DMD: variants seen among roughly 807,000 people sequenced by gnomAD.
DMD encodes mutant dystrophin.
DMD carries 63 observed loss-of-function variants against 330.1 expected under a neutral mutation model. The ratio of observed to expected loss-of-function variants is 0.19; its 90% confidence interval spans 0.16 to 0.24. The LOEUF is 0.24. Among genes scored for constraint, DMD ranks in the 10% least tolerant of loss-of-function variants. DMD has a pLI of 1.00. For missense variants in DMD, 3,344 were observed against 2,684.1 expected, an observed-to-expected ratio of 1.25 and a Z score of -5.43; for synonymous variants, 1,223 against 959.8, an observed-to-expected ratio of 1.27 and a Z score of -5.07.
At position 31,121,215 on chromosome X, in the gene DMD, G is replaced by GTAT. The variant is rs1569282040; in HGVS notation, c.*701_*703dup. ...GTATCTCTTTATCTATATAACTATA[G>GTAT]TATTTATATACTTATAGACATATAG... is the stretch of plus-strand genomic sequence containing the variant. On this transcript the variant is annotated 3_prime_UTR_variant, in exon 79 of 79. Coordinates refer to ENST00000357033, the MANE Select transcript of DMD (RefSeq NM_004006.3). 9.0e-6 allele frequency: 1 copy of GTAT among 111,595 alleles called. No homozygotes were observed. The highest frequency in any genetic ancestry group is 9.6e-5 in the Admixed American group (1 of 10,392). The allele number at this position is 111,595 out of a possible 1,213,427, so 9.2% of individuals were successfully genotyped here.
chrX:32,367,864 A>G (rs2097859784), intron 34 of DMD, among the ~76,000 whole-genome samples: 1 of 112,250 alleles, frequency 8.9e-6, no homozygotes, highest in Non-Finnish European at 1.9e-5. Context: ...ATGGTGGTTT[A>G]TAACTGCTAA....
At chrX:31,605,063 T>C (rs1030338506) in intron 55 of DMD, among the ~76,000 whole-genome samples, 8 of 111,853 alleles carry the variant, frequency 7.2e-5, no homozygotes, top group African/African-American at 9.7e-5. Context: ...CAGCCATAAA[T>C]AAGGAAGTGG....
chrX:32,520,038 A>C lies in DMD; in HGVS notation c.2169-1907T>G, dbSNP rs748720678. On this transcript the variant is annotated intron_variant, in intron 17 of 78. Transcript: ENST00000357033. ...GATTGAGTTGTTATTTATCGAGGCT[A>C]TCCAACTTGAAATTAAGAGACTAGG... 1.6e-4 allele frequency among the ~76,000 whole-genome samples: 18 copies of C among 111,795 alleles called. 1 individual carries two copies. In the South Asian group the frequency reaches 6.8e-3, roughly 42 times the overall value.
intron 71 of DMD, 71 bp downstream of exon 71, chrX:31,177,861 C>G: frequency 4.3e-6 from 4 of 921,607 alleles, no homozygotes; most frequent in Non-Finnish European, 6.3e-6. Flanking sequence ...AACAAATAAA[C>G]AGAACAAAAG....
intron 1 of DMD, among the ~76,000 whole-genome samples, chrX:33,208,372 G>C (rs1268025806): frequency 9.0e-6 from 1 of 111,244 alleles, no homozygotes; most frequent in African/African-American, 3.3e-5. Flanking sequence ...ATACAGAGGT[G>C]ATTTCCCAAG....
At position 31,961,740 on chromosome X, in the gene DMD, G is replaced by GTT. The variant is rs59279553; in HGVS notation, c.6614+6597_6614+6598dup. The stretch of plus-strand genomic sequence containing the variant: ...AAAGAGAATTCAACCAAAGGAAGCG[G>GTT]TTTTTTTTTTTTTTTGTCTTGTTTT... On this transcript the variant is annotated intron_variant, in intron 45 of 78. Transcript: ENST00000357033. Among the ~76,000 whole-genome samples the GTT allele has an allele frequency of 5.9e-3, 449 of 75,594 alleles. 10 individuals carry two copies. Among genetic ancestry groups the GTT allele is most frequent in the African/African-American group, 0.014 (258 of 18,707 alleles). The allele number at this position is 75,594 out of a possible 115,157, so 65.6% of individuals were successfully genotyped here. A position where few individuals can be genotyped will look rare whatever the true frequency, so the allele number is the denominator to read the frequency against.
intron 41 of DMD, among the ~76,000 whole-genome samples, chrX:32,338,715 T>C (rs2097727013): frequency 9.0e-6 from 1 of 110,719 alleles, no homozygotes; most frequent in African/African-American, 3.3e-5. Context: ...CCCTTGGGGG[T>C]TGTAGTGGTA....
At chrX:32,819,239 T>G (rs2078020552) in intron 5 of DMD, among the ~76,000 whole-genome samples, 1 of 110,810 alleles carries the variant, frequency 9.0e-6, no homozygotes, top group Admixed American at 9.6e-5. Flanking sequence ...AGGCAGGAAT[T>G]TACAGGGATG....
At chrX:31,161,674 A>G (rs998846206) in intron 74 of DMD, among the ~76,000 whole-genome samples, 1 of 111,359 alleles carries the variant, frequency 9.0e-6, no homozygotes, top group African/African-American at 3.3e-5. Context: ...TCACTTGCCT[A>G]AGACATCCTT....
rs749794956 is a variant in DMD at position 31,134,008 on chromosome X, G to A, written c.11014+94C>T. 1.6e-5 allele frequency: 12 copies of A among 772,507 alleles called. No homozygotes were observed. In the African/African-American group the frequency reaches 2.1e-4, roughly 13 times the overall value. The allele number at this position is 772,507 out of a possible 1,213,427, so 63.7% of individuals were successfully genotyped here. On this transcript the variant is annotated intron_variant, in intron 77 of 78. Transcript: ENST00000357033. ...AATTGCCATTCTGATACTGCGTGTTGGCTTCCATATGGAAAATACACACAC... is the reference window on the plus strand; with the variant it reads ...AATTGCCATTCTGATACTGCGTGTTAGCTTCCATATGGAAAATACACACAC...
chrX:31,549,626 T>C (rs5927767), intron 55 of DMD, among the ~76,000 whole-genome samples: 16,421 of 111,778 alleles, frequency 0.15, 958 homozygotes, highest in Middle Eastern at 0.23. Flanking sequence ...ATGCCTTCTT[T>C]CATAAAACAC....
At chrX:31,989,171 C>T (rs866809424) in intron 44 of DMD, among the ~76,000 whole-genome samples, 1 of 111,729 alleles carries the variant, frequency 9.0e-6, no homozygotes, top group Non-Finnish European at 1.9e-5. Flanking sequence ...GGAGAACAAT[C>T]GGCTTTGCTC....
At chrX:32,998,260 C>T (rs1470149274) in intron 2 of DMD, among the ~76,000 whole-genome samples, 2 of 104,779 alleles carry the variant, frequency 1.9e-5, no homozygotes, top group African/African-American at 7.0e-5. Context: ...GCTAAGCTAC[C>T]GGGGAGGCTG....
In DMD at chrX:31,119,972, C is replaced by T. The variant is rs185921823; in HGVS notation, c.*1947G>A. On this transcript the variant is annotated 3_prime_UTR_variant, in exon 79 of 79. Transcript: ENST00000357033. Reference sequence around the variant, plus strand: ...CACAATTATCAGGAACACCCCAAAACCAAAGTGAGGTAGAAATAGCATGAG... The same window carrying T: ...CACAATTATCAGGAACACCCCAAAATCAAAGTGAGGTAGAAATAGCATGAG... The T allele has an allele frequency of 3.3e-4, 37 of 110,692 alleles. No homozygotes were observed. Among genetic ancestry groups the T allele is most frequent in the African/African-American group, 1.2e-3 (36 of 30,465 alleles). The allele number at this position is 110,692 out of a possible 1,213,427, so 9.1% of individuals were successfully genotyped here. A position where few individuals can be genotyped will look rare whatever the true frequency, so the allele number is the denominator to read the frequency against.
At position 31,121,716 on chromosome X, in the gene DMD, T is replaced by TAATA. The variant is rs2032595924; in HGVS notation, c.*199_*202dup. 4 of 570,982 alleles carry TAATA rather than the reference T, an allele frequency of 7.0e-6. No individual in the cohort carries two copies. The South Asian group carries it at 1.0e-4, about 15-fold the overall frequency. The allele number at this position is 570,982 out of a possible 1,213,427, so 47.1% of individuals were successfully genotyped here. A position where few individuals can be genotyped will look rare whatever the true frequency, so the allele number is the denominator to read the frequency against. On this transcript the variant is annotated 3_prime_UTR_variant, in exon 79 of 79. Transcript: ENST00000357033. Reference sequence around the variant, plus strand: ...TTAGAAACTACTGAAATCTACAGTATAATACCACTACCCTTCACAAAAATA... The same window carrying TAATA: ...TTAGAAACTACTGAAATCTACAGTATAATAAATACCACTACCCTTCACAAAAATA...
rs763514033 is a variant in DMD at position 32,438,266 on chromosome X, G to C, written c.4046C>G (p.Ser1349Cys). 3.3e-6 allele frequency: 4 copies of C among 1,209,422 alleles called. No individual in the cohort carries two copies. The African/African-American group carries it at 7.0e-5, about 21-fold the overall frequency. The change falls in exon 29 of 79, where the codon TCT becomes TGT. Residue 1349 changes from serine (S) to cysteine (C), a missense_variant. Ser to Cys is a moderately radical substitution (Grantham distance 112). Transcript: ENST00000357033. ...CTCTTCATGTAGTTCCCTCCAACGA[G>C]AATTAAATGTCTCAAGTTCCTCATT... Reference protein sequence around the residue: ...LINEELETFNSRWRELHEEAV... With the variant: ...LINEELETFNCRWRELHEEAV...
chrX:33,165,519 T>C (rs914322404), intron 1 of DMD, among the ~76,000 whole-genome samples: 1 of 110,797 alleles, frequency 9.0e-6, no homozygotes, highest in African/African-American at 3.3e-5. Flanking sequence ...AATTTATAAT[T>C]CCAACAATTT....
intron 42 of DMD, among the ~76,000 whole-genome samples, chrX:32,291,613 T>C (rs758692856): frequency 1.8e-5 from 2 of 111,857 alleles, no homozygotes; most frequent in Non-Finnish European, 3.8e-5. Context: ...GTCTTAGGTA[T>C]CTGGCCTGGG....
intron 6 of DMD, 116 bp downstream of exon 6, chrX:32,816,352 G>A (rs2077760603): frequency 3.8e-6 from 3 of 796,928 alleles, no homozygotes; most frequent in Non-Finnish European, 5.7e-6. Flanking sequence ...TGTGGTCAAT[G>A]TACATAACAT....
Sources: allele counts gnomAD v4.1 joint callset (sites outside exome capture counted in the v4.1 genomes callset), GRCh38; gene constraint gnomAD v4.1.1; transcripts MANE v1.5; gene names NCBI Gene and HGNC (gene_info 2026-07-23, HGNC 2026-07-21).